Variants in SMOC2 observed in about 807,000 individuals in gnomAD.
SMOC2 encodes the protein SPARC-related modular calcium-binding protein 2.
In SMOC2, 39 loss-of-function variants were observed where a neutral mutation model predicts 61.4. The observed-to-expected ratio is 0.64, with a 90% CI of 0.49 to 0.83. The LOEUF is 0.83. Ranked by LOEUF, SMOC2 falls within the 40% of genes least tolerant of loss-of-function variation. The pLI, the probability that SMOC2 is intolerant of heterozygous loss-of-function variation, is 0.00. For synonymous variants in SMOC2, 247 were observed against 239.9 expected (o/e 1.03, Z -0.27); for missense variants, 556 against 592.9 (o/e 0.94, Z 0.65).
intron 1 of SMOC2, among the ~76,000 whole-genome samples, chr6:168,469,979 C>A (rs1232836369): frequency 3.9e-5 from 6 of 152,206 alleles, no homozygotes; most frequent in Admixed American, 3.3e-4. Context: ...AAAATATATT[C>A]ATTTTCCCAA....
chr6:168,623,674 G>A (rs1432600854), intron 9 of SMOC2, among the ~76,000 whole-genome samples: 1 of 150,900 alleles, frequency 6.6e-6, no homozygotes, highest in African/African-American at 2.4e-5. Flanking sequence ...TCTGGGTGCA[G>A]TGGCTCATGC....
At position 168,523,079 on chromosome 6, in the gene SMOC2, A is replaced by AT. The variant is rs1554287070; in HGVS notation, c.257-3247dup. Among the ~76,000 whole-genome samples, 77 of 93,694 alleles carry AT rather than the reference A, an allele frequency of 8.2e-4. 3 individuals carry two copies. The highest frequency in any genetic ancestry group is 1.9e-3 in the African/African-American group (58 of 30,142). The allele number at this position is 93,694 out of a possible 152,430, so 61.5% of individuals were successfully genotyped here. A position where few individuals can be genotyped will look rare whatever the true frequency, so the allele number is the denominator to read the frequency against. ...TTATGTTATTTGTAGTTGTACAGTA[A>AT]TTTTTTTTTTTTTTTTTTTTGAGAC... On this transcript the variant is annotated intron_variant, in intron 2 of 12. Coordinates refer to ENST00000356284, the MANE Select transcript of SMOC2 (RefSeq NM_001166412.2).
At chr6:168,477,939 G>T (rs1782127712) in intron 1 of SMOC2, among the ~76,000 whole-genome samples, 1 of 152,182 alleles carries the variant, frequency 6.6e-6, no homozygotes, top group Non-Finnish European at 1.5e-5. Flanking sequence ...ACTGTCCCTA[G>T]CTTCTCCAGG....
chr6:168,588,572 A>G (rs1412000183), intron 7 of SMOC2, among the ~76,000 whole-genome samples: 1 of 152,234 alleles, frequency 6.6e-6, no homozygotes, highest in African/African-American at 2.4e-5. Context: ...AGGGGGCACA[A>G]ACATTTGACC....
intron 9 of SMOC2, among the ~76,000 whole-genome samples, chr6:168,619,540 G>T (rs1334988491): frequency 6.6e-6 from 1 of 152,064 alleles, no homozygotes; most frequent in Non-Finnish European, 1.5e-5. Context: ...TTCCAAGTAC[G>T]GTATACACTT....
chr6:168,475,061 T>G lies in SMOC2; in HGVS notation c.84+33607T>G, dbSNP rs1416704161. Among the ~76,000 whole-genome samples the G allele has an allele frequency of 1.3e-5, 2 of 152,118 alleles. No individual in the cohort carries two copies. The highest frequency in any genetic ancestry group is 2.9e-5 in the Non-Finnish European group (2 of 67,996). ...GGTCGTTGTGGCTGTAGCTTCAGAA[T>G]AGATCCCTTTATGGTAGGTCAGCAC... On this transcript the variant is annotated intron_variant, in intron 1 of 12. Coordinates refer to ENST00000356284, the MANE Select transcript of SMOC2 (RefSeq NM_001166412.2). The surrounding 1 kb of genome is among the most constrained non-coding windows in gnomAD (Gnocchi z 4.6).
chr6:168,610,282 T>C (rs1253283218), intron 9 of SMOC2, among the ~76,000 whole-genome samples: 1 of 152,230 alleles, frequency 6.6e-6, no homozygotes, highest in Non-Finnish European at 1.5e-5. Flanking sequence ...ACCAGATTGC[T>C]GAGGCATCAA....
At chr6:168,543,790 T>G (rs1783929132) in intron 5 of SMOC2, 118 bp downstream of exon 5, 2 of 923,204 alleles carry the variant, frequency 2.2e-6, no homozygotes, top group East Asian at 2.6e-5. Context: ...GCCGAACCAG[T>G]TTGTTACTTC....
intron 6 of SMOC2, among the ~76,000 whole-genome samples, 159 bp from the exon 7 acceptor site, chr6:168,548,970 C>G (rs976840199): frequency 6.6e-6 from 1 of 152,170 alleles, no homozygotes; most frequent in African/African-American, 2.4e-5. Context: ...TTCCTTTCGT[C>G]TGAGGCATAT....
intron 7 of SMOC2, among the ~76,000 whole-genome samples, chr6:168,560,586 TGTCATTTTCCTGCCCTGAGACAC>T (rs1562348461): frequency 7.0e-5 from 6 of 85,614 alleles, no homozygotes; most frequent in South Asian, 6.1e-4. Flanking sequence ...TTGGAGGAGG[TGTCATTTTCCTGCCCTGAGACAC>T]GAGGCTCTCA....
At chr6:168,442,476 C>T (rs1479177981) in intron 1 of SMOC2, among the ~76,000 whole-genome samples, 7 of 152,242 alleles carry the variant, frequency 4.6e-5, no homozygotes, top group Non-Finnish European at 8.8e-5. Flanking sequence ...GTTTGCAAAC[C>T]CATCATTAAT....
intron 10 of SMOC2, among the ~76,000 whole-genome samples, chr6:168,652,101 C>A (rs1431777148): frequency 6.6e-6 from 1 of 151,620 alleles, no homozygotes; most frequent in Admixed American, 6.6e-5. Context: ...AACTTTACAT[C>A]TTCTATTCTT....
At chr6:168,655,503 C>A (rs1415410843) in intron 11 of SMOC2, 2 of 443,042 alleles carry the variant, frequency 4.5e-6, no homozygotes, top group Admixed American at 2.4e-5. Context: ...GAGATGCGTG[C>A]ATGCCCTGAT....
At chr6:168,597,928 A>G (rs1476356516) in intron 7 of SMOC2, among the ~76,000 whole-genome samples, 1 of 152,270 alleles carries the variant, frequency 6.6e-6, no homozygotes, top group East Asian at 1.9e-4. Context: ...GATGTCAGAC[A>G]TACATGTCTA....
chr6:168,566,026 A>G (rs1346189762), intron 7 of SMOC2, among the ~76,000 whole-genome samples: 1 of 152,136 alleles, frequency 6.6e-6, no homozygotes, highest in African/African-American at 2.4e-5. Flanking sequence ...TAAAATAGTT[A>G]TTTTCAATTG....
At position 168,608,149 on chromosome 6, in the gene SMOC2, G is replaced by A. The variant is rs780743844; in HGVS notation, c.825-8G>A. The stretch of plus-strand genomic sequence containing the variant: ...TCTCTCCTTCCCCCGCCTTCCCCCC[G>A]CCCATAGGTACGAGCAGCCGAAATG... On this transcript the variant is annotated splice_region_variant and splice_polypyrimidine_tract_variant and intron_variant, in intron 8 of 12. Coordinates refer to ENST00000356284, the MANE Select transcript of SMOC2 (RefSeq NM_001166412.2). The A allele has an allele frequency of 3.7e-6, 6 of 1,609,266 alleles. No homozygotes were observed. The highest frequency in any genetic ancestry group is 2.2e-5 in the East Asian group (1 of 44,656).
chr6:168,599,189 ACTCATAC>A (rs1562372202), intron 8 of SMOC2, among the ~76,000 whole-genome samples, 185 bp downstream of exon 8: 2 of 137,212 alleles, frequency 1.5e-5, no homozygotes, highest in Non-Finnish European at 3.1e-5. Flanking sequence ...ACCCACACAC[ACTCATAC>A]CACACACACA....
At chr6:168,555,222 G>A (rs894547191) in intron 7 of SMOC2, among the ~76,000 whole-genome samples, 10 of 152,250 alleles carry the variant, frequency 6.6e-5, no homozygotes, top group African/African-American at 2.2e-4. Context: ...ATGAGACTAA[G>A]TGCTTAAAGG....
intron 1 of SMOC2, among the ~76,000 whole-genome samples, chr6:168,484,211 C>T (rs142949049): frequency 2.6e-5 from 4 of 151,974 alleles, no homozygotes; most frequent in South Asian, 2.1e-4. Context: ...GATAAATATC[C>T]GGAATATACA....
Sources: allele counts gnomAD v4.1 joint callset (sites outside exome capture counted in the v4.1 genomes callset), GRCh38; gene constraint gnomAD v4.1.1; non-coding constraint Gnocchi (gnomAD v3.1); transcripts MANE v1.5; gene names NCBI Gene and HGNC (gene_info 2026-07-23, HGNC 2026-07-21).